The following CNTN5 variants were observed in gnomAD, a reference collection of about 807,000 sequenced individuals.
The protein encoded by CNTN5 is contactin-5.
CNTN5 carries 77 observed loss-of-function variants against 129.1 expected under a neutral mutation model. That is an observed-to-expected ratio of 0.60 (90% CI 0.50 to 0.72). The LOEUF (loss-of-function observed/expected upper bound fraction) is 0.72, where lower values mean the gene tolerates loss of function less well. Ranked by LOEUF, CNTN5 falls within the 30% of genes least tolerant of loss-of-function variation. The pLI, the probability that CNTN5 is intolerant of heterozygous loss-of-function variation, is 0.00. For missense variants in CNTN5, 1,478 were observed against 1,328.8 expected (o/e 1.11, Z -1.75); for synonymous variants, 509 against 465.6 (o/e 1.09, Z -1.20).
At chr11:100,316,930 T>C (rs954094151) in intron 21 of CNTN5, among the ~76,000 whole-genome samples, 30 of 152,220 alleles carry the variant, frequency 2.0e-4, no homozygotes, top group African/African-American at 7.2e-4. Context: ...CAAAACAGCT[T>C]GTCCCATTTT....
intron 2 of CNTN5, among the ~76,000 whole-genome samples, chr11:99,449,792 G>A (rs752766732): frequency 2.0e-5 from 3 of 152,158 alleles, no homozygotes; most frequent in South Asian, 2.1e-4. Context: ...TTCCCCAAGC[G>A]CTTATAAAAC....
intron 1 of CNTN5, among the ~76,000 whole-genome samples, chr11:99,092,090 G>A (rs6589891): frequency 0.18 from 28,005 of 151,896 alleles, 3,471 homozygotes; most frequent in East Asian, 0.35. Context: ...GAGAAAGAAA[G>A]AAAATGTGTT....
At chr11:99,939,112 A>C (rs1481132175) in intron 7 of CNTN5, among the ~76,000 whole-genome samples, 7 of 152,008 alleles carry the variant, frequency 4.6e-5, no homozygotes. Flanking sequence ...AAAAAGATGA[A>C]CTCATAAGTC....
chr11:99,440,673 C>CA (rs1565584201), intron 2 of CNTN5, among the ~76,000 whole-genome samples: 2 of 150,042 alleles, frequency 1.3e-5, no homozygotes, highest in Non-Finnish European at 3.0e-5. Flanking sequence ...TCTTACATAA[C>CA]TTTTTTTTTT....
intron 15 of CNTN5, among the ~76,000 whole-genome samples, chr11:100,194,208 A>C (rs74881704): frequency 0.018 from 2,807 of 152,002 alleles, 77 homozygotes; most frequent in African/African-American, 0.063. Context: ...ATGGCAATCA[A>C]CCAAATGGAG....
At chr11:99,976,110 G>T (rs747637358) in intron 8 of CNTN5, among the ~76,000 whole-genome samples, 2 of 152,202 alleles carry the variant, frequency 1.3e-5, no homozygotes, top group African/African-American at 2.4e-5. Flanking sequence ...AAACCATCCA[G>T]AGAGTCATTA....
At chr11:99,203,886 C>T (rs1591355122) in intron 1 of CNTN5, among the ~76,000 whole-genome samples, 3 of 152,166 alleles carry the variant, frequency 2.0e-5, no homozygotes, top group African/African-American at 7.2e-5. Context: ...GCGTGAGCCA[C>T]CAAGCCCGGC....
chr11:99,786,865 A>C (rs1000898775), intron 3 of CNTN5, among the ~76,000 whole-genome samples: 1 of 152,216 alleles, frequency 6.6e-6, no homozygotes. Context: ...AAGATGGATT[A>C]GAGATTTAAA....
Position 99,684,977 on chromosome 11 carries a change from T to C in CNTN5, c.55+128708T>C, listed in dbSNP as rs536490273. Reference sequence around the variant, plus strand: ...TCTGCTCTTATTTTTTATTTTTTAGTTTATTATTTTTGTAATTTAAACATG... The same window carrying C: ...TCTGCTCTTATTTTTTATTTTTTAGCTTATTATTTTTGTAATTTAAACATG... On this transcript the variant is annotated intron_variant, in intron 3 of 24. Coordinates refer to ENST00000524871, the MANE Select transcript of CNTN5 (RefSeq NM_014361.4). Among the ~76,000 whole-genome samples, 29 of 151,166 alleles carry C rather than the reference T, an allele frequency of 1.9e-4. 1 individual carries two copies. In the South Asian group the frequency reaches 5.0e-3, roughly 26 times the overall value.
chr11:100,075,452 A>T (rs1002294804), intron 13 of CNTN5, among the ~76,000 whole-genome samples: 2 of 152,174 alleles, frequency 1.3e-5, no homozygotes, highest in Non-Finnish European at 2.9e-5. Flanking sequence ...ACATTTATTT[A>T]ATCAAAGTTT....
intron 17 of CNTN5, among the ~76,000 whole-genome samples, chr11:100,268,991 C>CAGCAT (rs1950358250): frequency 6.6e-6 from 1 of 152,074 alleles, no homozygotes; most frequent in Middle Eastern, 3.2e-3. Context: ...TATTAGTTAA[C>CAGCAT]AGCATAGAGA....
chr11:99,125,583 T>C (rs1858585046), intron 1 of CNTN5, among the ~76,000 whole-genome samples: 1 of 152,056 alleles, frequency 6.6e-6, no homozygotes, highest in African/African-American at 2.4e-5. Flanking sequence ...CTATTCAACA[T>C]AGTGTTGTAA....
rs115890467 is a variant in CNTN5 at position 99,592,541 on chromosome 11, T to A, written c.55+36272T>A. On this transcript the variant is annotated intron_variant, in intron 3 of 24. Coordinates refer to ENST00000524871, the MANE Select transcript of CNTN5 (RefSeq NM_014361.4). ...AACATGGGAAGACGCCAAGCTGGAG[T>A]TGGGGAAGTGAAACAGAGGTCAAGA... Among the ~76,000 whole-genome samples, 981 of 151,582 alleles carry A rather than the reference T, an allele frequency of 6.5e-3. 16 individuals carry two copies. Among genetic ancestry groups the A allele is most frequent in the African/African-American group, 0.023 (938 of 41,296 alleles).
At chr11:99,754,850 C>A (rs576874512) in intron 3 of CNTN5, among the ~76,000 whole-genome samples, 1 of 152,152 alleles carries the variant, frequency 6.6e-6, no homozygotes, top group South Asian at 2.1e-4. Flanking sequence ...AAAATAACAT[C>A]TACCCACCAT....
chr11:99,490,107 T>A (rs1034180585), intron 2 of CNTN5, among the ~76,000 whole-genome samples: 1 of 152,298 alleles, frequency 6.6e-6, no homozygotes, highest in Middle Eastern at 3.4e-3. Context: ...AAGTTTTATT[T>A]CAAAAATGTA....
chr11:99,914,756 G>C lies in CNTN5; in HGVS notation c.578-1298G>C, dbSNP rs143424555. ...TGAATACTTCTCTGTTTCTTTATTTGGTGTCATGTCTTCACTACTTATTAG... is the reference window on the plus strand; with the variant it reads ...TGAATACTTCTCTGTTTCTTTATTTCGTGTCATGTCTTCACTACTTATTAG... On this transcript the variant is annotated intron_variant, in intron 6 of 24. Transcript: ENST00000524871. Among the ~76,000 whole-genome samples the C allele has an allele frequency of 7.1e-3, 1,074 of 151,938 alleles. 9 individuals are homozygous for C. The highest frequency in any genetic ancestry group is 0.024 in the African/African-American group (992 of 41,476).
At chr11:99,480,318 A>G (rs774245789) in intron 2 of CNTN5, among the ~76,000 whole-genome samples, 20 of 152,192 alleles carry the variant, frequency 1.3e-4, no homozygotes, top group Non-Finnish European at 2.5e-4. Flanking sequence ...GTAAGTAGCC[A>G]ACATTTGGTC....
In CNTN5 at chr11:99,589,257, T is replaced by G. The variant is rs188065573; in HGVS notation, c.55+32988T>G. ...GGAATAAGCCAGACAAATGTAGTCATGATTTTACAATTTCAGAGGAAATCA... is the reference window on the plus strand; with the variant it reads ...GGAATAAGCCAGACAAATGTAGTCAGGATTTTACAATTTCAGAGGAAATCA... On this transcript the variant is annotated intron_variant, in intron 3 of 24. Coordinates refer to ENST00000524871, the MANE Select transcript of CNTN5 (RefSeq NM_014361.4). Among the ~76,000 whole-genome samples, 9 of 152,356 alleles carry G rather than the reference T, an allele frequency of 5.9e-5. No homozygotes were observed. In the South Asian group the frequency reaches 1.0e-3, roughly 18 times the overall value.
At chr11:99,672,092 A>G (rs545018435) in intron 3 of CNTN5, among the ~76,000 whole-genome samples, 1 of 152,258 alleles carries the variant, frequency 6.6e-6, no homozygotes, top group South Asian at 2.1e-4. Context: ...TTTCTTATCT[A>G]ACAGCCTCTT....
Sources: allele counts gnomAD v4.1 joint callset (sites outside exome capture counted in the v4.1 genomes callset), GRCh38; gene constraint gnomAD v4.1.1; transcripts MANE v1.5; gene names NCBI Gene and HGNC (gene_info 2026-07-23, HGNC 2026-07-21).